PABPC1L: variants seen among roughly 807,000 people sequenced by gnomAD.
PABPC1L encodes poly(A) binding protein cytoplasmic 1 like, also known as polyadenylate-binding protein 1-like.
Under a neutral mutation model 66.6 loss-of-function variants are expected in PABPC1L, and 31 were observed. That is an observed-to-expected ratio of 0.47 (90% CI 0.35 to 0.63). PABPC1L has a LOEUF of 0.63. PABPC1L is among the 20% of genes least tolerant of loss of function. The probability of loss-of-function intolerance (pLI) is 0.00; values close to 1 mark genes in which losing one functional copy is unlikely to be tolerated. For synonymous variants in PABPC1L, 348 were observed against 335.1 expected (o/e 1.04, Z -0.42); for missense variants, 722 against 848.8 (o/e 0.85, Z 1.86).
At chr20:44,936,825 G>C (rs1391271943) in intron 12 of PABPC1L, 95 bp downstream of exon 12, 5 of 1,303,458 alleles carry the variant, frequency 3.8e-6, no homozygotes, top group Non-Finnish European at 5.4e-6. Flanking sequence ...TCCAACGTGA[G>C]GTCAAATTCC....
intron 7 of PABPC1L, among the ~76,000 whole-genome samples, chr20:44,927,360 T>A (rs1322640280): frequency 0.012 from 1,813 of 151,932 alleles, 33 homozygotes; most frequent in African/African-American, 0.039. Context: ...TATTTTTTTT[T>A]TTTTGAGATG....
At chr20:44,936,521 G>C in intron 11 of PABPC1L, 116 bp from the exon 12 acceptor site, 1 of 781,146 alleles carries the variant, frequency 1.3e-6, no homozygotes, top group Non-Finnish European at 2.0e-6. Context: ...TCCAGACCTT[G>C]CCCTCTGTTC....
intron 7 of PABPC1L, among the ~76,000 whole-genome samples, chr20:44,925,168 G>A (rs1379766704): frequency 1.4e-5 from 2 of 145,328 alleles, no homozygotes; most frequent in Non-Finnish European, 1.5e-5. Flanking sequence ...AGCCAAGATC[G>A]TGCCACTGCA....
intron 5 of PABPC1L, among the ~76,000 whole-genome samples, chr20:44,919,707 G>A (rs2066760353): frequency 6.6e-6 from 1 of 152,122 alleles, no homozygotes; most frequent in South Asian, 2.1e-4. Context: ...AAACTCTCCA[G>A]ATGTGATGGC....
At position 44,921,576 on chromosome 20, in the gene PABPC1L, CCCT is replaced by C. The variant is rs771753009; in HGVS notation, c.739-11_739-9del. ...CATCTGAGTGGTTACCAAGCATGTT[CCCT>C]CCTCCTTTCCCCAGGCCGTGGTCCA... On this transcript the variant is annotated splice_polypyrimidine_tract_variant and intron_variant, in intron 5 of 14. Transcript: ENST00000217073. 117 of 1,613,424 alleles carry C rather than the reference CCCT, an allele frequency of 7.3e-5. No homozygotes were observed. The East Asian group carries it at 2.4e-3, about 33-fold the overall frequency.
chr20:44,936,851 C>T (rs745842505), intron 12 of PABPC1L, 121 bp downstream of exon 12: 11 of 1,040,084 alleles, frequency 1.1e-5, no homozygotes, highest in Middle Eastern at 4.0e-4. Context: ...TGTCACCGAC[C>T]CCCCTACTGG....
chr20:44,925,093 G>A (rs1209943729), intron 7 of PABPC1L, among the ~76,000 whole-genome samples: 2 of 144,806 alleles, frequency 1.4e-5, no homozygotes, highest in African/African-American at 5.7e-5. Flanking sequence ...CGTGCCTATA[G>A]TCCCAGGTAT....
In PABPC1L at chr20:44,921,671, G is replaced by A. The variant is rs2066774611; in HGVS notation, c.816G>A (p.Arg272=). 1 of 1,614,030 alleles carries A rather than the reference G, an allele frequency of 6.2e-7. No individual in the cohort carries two copies. Among genetic ancestry groups the A allele is most frequent in the Non-Finnish European group, 8.5e-7 (1 of 1,179,996 alleles). ...GCCGGGCCCAAAAGCGCGTGGAGCG[G>A]CAGAATGAACTGAAGCGCAGGTTTG... ...YAGRAQKRVE[R]QNELKRRFEQ... is the part of the protein sequence containing the mutation. The change falls in exon 6 of 15, where the codon CGG becomes CGA. Residue 272 remains arginine, a synonymous_variant. Coordinates refer to ENST00000217073, the MANE Select transcript of PABPC1L (RefSeq NM_001372179.1).
In PABPC1L at chr20:44,919,044, T is replaced by G. The variant is rs771151620; in HGVS notation, c.642T>G (p.Phe214Leu). 1 of 1,611,350 alleles carries G rather than the reference T, an allele frequency of 6.2e-7. No individual in the cohort carries two copies. Among genetic ancestry groups the G allele is most frequent in the Non-Finnish European group, 8.5e-7 (1 of 1,178,452 alleles). Residue 214 changes from phenylalanine (F) to leucine (L), a missense_variant and splice_region_variant, in exon 4 of 15, where the codon TTT becomes TTG. Physicochemically the swap from Phe to Leu is conservative, Grantham distance 22 (BLOSUM62 0). Coordinates refer to ENST00000217073, the MANE Select transcript of PABPC1L (RefSeq NM_001372179.1). ...EQGLQDLFSQFGKMLSVKVMR... is the reference protein window; with the variant it reads ...EQGLQDLFSQLGKMLSVKVMR... Reference sequence around the variant, plus strand: ...GCCTGCAGGACCTCTTCTCCCAGTTTGGTGGGTGTGTCCCCAAGGGAGCGG... The same window carrying G: ...GCCTGCAGGACCTCTTCTCCCAGTTGGGTGGGTGTGTCCCCAAGGGAGCGG...
At chr20:44,912,593 G>GGGGT in intron 1 of PABPC1L, 67 bp from the exon 2 acceptor site, 4 of 1,389,700 alleles carry the variant, frequency 2.9e-6, no homozygotes, top group Non-Finnish European at 4.0e-6. Context: ...AGCACCTCGA[G>GGGGT]GGGTGGGTGA....
intron 7 of PABPC1L, among the ~76,000 whole-genome samples, chr20:44,929,474 T>A (rs73296564): frequency 6.6e-6 from 1 of 152,078 alleles, no homozygotes; most frequent in Non-Finnish European, 1.5e-5. Context: ...AAATGTACCA[T>A]GTTCACATTG....
At chr20:44,935,289 C>A in intron 10 of PABPC1L, 102 bp from the exon 11 acceptor site, 1 of 819,228 alleles carries the variant, frequency 1.2e-6, no homozygotes. Flanking sequence ...TTCTTGTCAA[C>A]GCTTGTTATT....
At chr20:44,926,504 A>C (rs6094056) in intron 7 of PABPC1L, among the ~76,000 whole-genome samples, 81,457 of 150,976 alleles carry the variant, frequency 0.54, 22,097 homozygotes, top group Admixed American at 0.62. Flanking sequence ...CAATTACAAG[A>C]ATGAGCCACC....
intron 6 of PABPC1L, 141 bp downstream of exon 6, chr20:44,921,872 C>T: frequency 8.1e-7 from 1 of 1,234,526 alleles, no homozygotes; most frequent in Non-Finnish European, 1.1e-6. Flanking sequence ...CATGGGATGG[C>T]CCCCACTGCC....
chr20:44,933,482 G>A (rs1330752213), intron 10 of PABPC1L, among the ~76,000 whole-genome samples: 3 of 151,438 alleles, frequency 2.0e-5, no homozygotes, highest in South Asian at 2.1e-4. Flanking sequence ...TTTCATTCTT[G>A]TTGCCCAGGC....
chr20:44,930,766 C>G (rs915798588), intron 8 of PABPC1L, 40 bp downstream of exon 8: 4 of 1,595,740 alleles, frequency 2.5e-6, no homozygotes, highest in South Asian at 2.3e-5. Context: ...GCCTTCCCCC[C>G]TGCCCCAGCA....
rs186865727 is a variant in PABPC1L, at chr20:44,919,068, G to C, written c.643+23G>C. The C allele has an allele frequency of 3.1e-6, 5 of 1,609,564 alleles. No individual in the cohort carries two copies. In the Admixed American group the frequency reaches 6.7e-5, roughly 22 times the overall value. On this transcript the variant is annotated intron_variant, in intron 4 of 14. Coordinates refer to ENST00000217073, the MANE Select transcript of PABPC1L (RefSeq NM_001372179.1). ...TTGGTGGGTGTGTCCCCAAGGGAGCGGGGGGATCACTGTTTTTCCTCTTCC... is the reference window on the plus strand; with the variant it reads ...TTGGTGGGTGTGTCCCCAAGGGAGCCGGGGGATCACTGTTTTTCCTCTTCC...
Position 44,938,071 on chromosome 20 carries a change from C to T in PABPC1L, c.1671C>T (p.Leu557=). Residue 557 remains leucine (L), a synonymous_variant, in exon 13 of 15, where the codon CTC becomes CTT. Coordinates refer to ENST00000217073, the MANE Select transcript of PABPC1L (RefSeq NM_001372179.1). ...HEQKQMIGER[L]YPLIHDVHTQ... is the part of the protein sequence containing the mutation. ...AGGTGTTCCACACAGGGGAGCGTCTCTACCCCCTTATCCATGATGTCCACA... is the reference window on the plus strand; with the variant it reads ...AGGTGTTCCACACAGGGGAGCGTCTTTACCCCCTTATCCATGATGTCCACA... 1 of 1,614,176 alleles carries T rather than the reference C, an allele frequency of 6.2e-7. No homozygotes were observed. Among genetic ancestry groups the T allele is most frequent in the Non-Finnish European group, 8.5e-7 (1 of 1,180,022 alleles).
intron 7 of PABPC1L, among the ~76,000 whole-genome samples, chr20:44,928,306 C>T (rs919141581): frequency 2.6e-5 from 4 of 152,152 alleles, no homozygotes; most frequent in African/African-American, 9.7e-5. Flanking sequence ...CTCCTGACCT[C>T]AGGTGATCTG....
Sources: allele counts gnomAD v4.1 joint callset (sites outside exome capture counted in the v4.1 genomes callset), GRCh38; gene constraint gnomAD v4.1.1; transcripts MANE v1.5; gene names NCBI Gene and HGNC (gene_info 2026-07-23, HGNC 2026-07-21).